Variants in EPB41L3 observed in about 807,000 individuals in gnomAD.
EPB41L3 encodes band 4.1-like protein 3.
In EPB41L3, 57 loss-of-function variants were observed where a neutral mutation model predicts 127.1. That is an observed-to-expected ratio of 0.45 (90% CI 0.36 to 0.56). The LOEUF (loss-of-function observed/expected upper bound fraction) is 0.56, where lower values mean the gene tolerates loss of function less well. Among genes scored for constraint, EPB41L3 ranks in the 20% least tolerant of loss-of-function variants. EPB41L3 has a pLI of 0.00. For synonymous variants in EPB41L3, 572 were observed against 549.5 expected, an observed-to-expected ratio of 1.04 and a Z score of -0.57; for missense variants, 1,273 against 1,372.2, an observed-to-expected ratio of 0.93 and a Z score of 1.14.
At position 5,608,072 on chromosome 18, in the gene EPB41L3, A is replaced by G. The variant is rs531087626; in HGVS notation, c.-306+4268T>C. On this transcript the variant is annotated intron_variant, in intron 3 of 21. Coordinates refer to the EPB41L3 transcript ENST00000545076. ...CTGTGCTGCAGTCTGTTCATCCACA[A>G]TATTAGACAATGAAAAAGGTTCCTG... 9.2e-5 allele frequency among the ~76,000 whole-genome samples: 14 copies of G among 152,280 alleles called. No homozygotes were observed. The East Asian group carries it at 2.7e-3, about 29-fold the overall frequency.
At chr18:5,555,975 G>A (rs1046681259) in intron 3 of EPB41L3, among the ~76,000 whole-genome samples, 8 of 152,140 alleles carry the variant, frequency 5.3e-5, no homozygotes, top group Admixed American at 2.6e-4. Context: ...TTCAAACATT[G>A]CACCTATGCG....
intron 1 of EPB41L3, among the ~76,000 whole-genome samples, chr18:5,525,307 G>A (rs1269130181): frequency 6.6e-6 from 1 of 152,148 alleles, no homozygotes; most frequent in African/African-American, 2.4e-5. Flanking sequence ...CTAGGAAAGC[G>A]CTCACAGACG....
At chr18:5,458,400 T>C (rs537813217) in intron 3 of EPB41L3, among the ~76,000 whole-genome samples, 1 of 152,304 alleles carries the variant, frequency 6.6e-6, no homozygotes, top group African/African-American at 2.4e-5. Flanking sequence ...TCCTTCACAA[T>C]ATAGAAAAAT....
At chr18:5,440,864 G>T (rs1374556296) in intron 5 of EPB41L3, among the ~76,000 whole-genome samples, 1 of 151,890 alleles carries the variant, frequency 6.6e-6, no homozygotes, top group Admixed American at 6.6e-5. Context: ...TTTTTCATAA[G>T]AACTCTTCAG....
At chr18:5,551,946 A>G (rs2093971764) in intron 3 of EPB41L3, among the ~76,000 whole-genome samples, 1 of 152,206 alleles carries the variant, frequency 6.6e-6, no homozygotes, top group African/African-American at 2.4e-5. Flanking sequence ...AGCATTCCCC[A>G]AGTGACTTTT....
chr18:5,452,395 G>A (rs1212785076), intron 3 of EPB41L3, among the ~76,000 whole-genome samples: 1 of 148,370 alleles, frequency 6.7e-6, no homozygotes, highest in Admixed American at 6.7e-5. Context: ...TTTTTTTAGA[G>A]GCAGGGTCTC....
At chr18:5,470,135 C>G (rs1232059832) in intron 3 of EPB41L3, among the ~76,000 whole-genome samples, 1 of 152,190 alleles carries the variant, frequency 6.6e-6, no homozygotes, top group African/African-American at 2.4e-5. Context: ...AGCAGGAGAT[C>G]TGGGTTCTAG....
At chr18:5,400,211 A>C (rs2074279844) in intron 16 of EPB41L3, 1 of 176,384 alleles carries the variant, frequency 5.7e-6, no homozygotes, top group Non-Finnish European at 1.2e-5. Context: ...TGTTAGTTCC[A>C]ATAAGGCAAA....
At chr18:5,472,454 T>C (rs1489306169) in intron 3 of EPB41L3, among the ~76,000 whole-genome samples, 5 of 152,160 alleles carry the variant, frequency 3.3e-5, no homozygotes, top group East Asian at 1.9e-4. Flanking sequence ...AGTTCTTCAG[T>C]TGAGCAGAGA....
In EPB41L3 at chr18:5,491,430, C is replaced by T. The variant is rs986517758; in HGVS notation, c.-11-2236G>A. Reference sequence around the variant, plus strand: ...ATGATTTTAGTGTTATCAGCCTAGTCGGGAAACCGTTTTGCACCTGCTTTT... The same window carrying T: ...ATGATTTTAGTGTTATCAGCCTAGTTGGGAAACCGTTTTGCACCTGCTTTT... On this transcript the variant is annotated intron_variant, in intron 1 of 22. Transcript: ENST00000341928. Among the ~76,000 whole-genome samples, 9 of 152,168 alleles carry T rather than the reference C, an allele frequency of 5.9e-5. No homozygotes were observed. The East Asian group carries it at 9.6e-4, about 16-fold the overall frequency.
In EPB41L3 at chr18:5,398,000, A is replaced by G; in HGVS notation, c.2472+21T>C. On this transcript the variant is annotated intron_variant, in intron 17 of 22. Transcript: ENST00000341928. This position sits in a 1 kb window ranked among gnomAD's most constrained non-coding sequence, Gnocchi z 4.1. ...CACATGGGCACATTCAGAAACACCAAGGACGAAAACAAATGGCCACCTGAA... is the reference window on the plus strand; with the variant it reads ...CACATGGGCACATTCAGAAACACCAGGGACGAAAACAAATGGCCACCTGAA... 6.2e-7 allele frequency: 1 copy of G among 1,614,060 alleles called. No individual in the cohort carries two copies. Among genetic ancestry groups the G allele is most frequent in the African/African-American group, 1.3e-5 (1 of 75,048 alleles).
chr18:5,582,375 G>A (rs1044352116), intron 3 of EPB41L3, among the ~76,000 whole-genome samples: 5 of 152,112 alleles, frequency 3.3e-5, no homozygotes, highest in Admixed American at 2.6e-4. Flanking sequence ...AAGATGGGGT[G>A]GGGGGAGGAC....
At chr18:5,509,493 T>C (rs931490009) in intron 1 of EPB41L3, among the ~76,000 whole-genome samples, 1 of 152,212 alleles carries the variant, frequency 6.6e-6, no homozygotes, top group Non-Finnish European at 1.5e-5. Flanking sequence ...TTTCACGGTT[T>C]GGTACTTTAG....
At chr18:5,428,176 C>CA (rs756831310) in intron 9 of EPB41L3, 137 bp downstream of exon 9, 26 of 946,878 alleles carry the variant, frequency 2.7e-5, no homozygotes, top group Non-Finnish European at 4.0e-5. Flanking sequence ...GGCAAACCTA[C>CA]AATAAACTCT....
chr18:5,548,169 A>C (rs2093911943), upstream of EPB41L3, among the ~76,000 whole-genome samples: 1 of 152,240 alleles, frequency 6.6e-6, no homozygotes, highest in African/African-American at 2.4e-5. Flanking sequence ...TAAAGTCTTC[A>C]GCCACAGCGT....
chr18:5,532,578 C>T (rs944160149), intron 1 of EPB41L3, among the ~76,000 whole-genome samples: 2 of 152,122 alleles, frequency 1.3e-5, no homozygotes, highest in Non-Finnish European at 2.9e-5. Context: ...CGTTTGACAA[C>T]CAAGCAGCTG....
At chr18:5,569,580 G>A (rs1040624666) in intron 3 of EPB41L3, among the ~76,000 whole-genome samples, 19 of 152,198 alleles carry the variant, frequency 1.2e-4, no homozygotes, top group Admixed American at 9.1e-4. Context: ...CTGCCCTGTT[G>A]GTAACACGCT....
intron 3 of EPB41L3, among the ~76,000 whole-genome samples, chr18:5,595,479 T>C (rs919960981): frequency 2.0e-5 from 3 of 152,072 alleles, no homozygotes; most frequent in African/African-American, 7.2e-5. Context: ...CAGGAGCTCC[T>C]GTACCTCCTC....
chr18:5,487,383 A>G (rs2089931693), intron 2 of EPB41L3, among the ~76,000 whole-genome samples: 1 of 149,730 alleles, frequency 6.7e-6, no homozygotes, highest in Non-Finnish European at 1.5e-5. Flanking sequence ...AAATATACAT[A>G]TATACAAAAT....
Sources: allele counts gnomAD v4.1 joint callset (sites outside exome capture counted in the v4.1 genomes callset), GRCh38; gene constraint gnomAD v4.1.1; non-coding constraint Gnocchi (gnomAD v3.1); transcripts MANE v1.5; gene names NCBI Gene and HGNC (gene_info 2026-07-23, HGNC 2026-07-21).